Variants in ARHGAP31 observed in about 807,000 individuals in gnomAD.
ARHGAP31 encodes rho GTPase-activating protein 31.
In ARHGAP31, 34 loss-of-function variants were observed where a neutral mutation model predicts 113.9. That is an observed-to-expected ratio of 0.30 (90% CI 0.23 to 0.40). ARHGAP31 has a LOEUF of 0.40. ARHGAP31 is among the 10% of genes least tolerant of loss of function. The probability of loss-of-function intolerance (pLI) is 1.00; values close to 1 mark genes in which losing one functional copy is unlikely to be tolerated. For synonymous variants in ARHGAP31, 650 were observed against 684.8 expected (o/e 0.95, Z 0.79); for missense variants, 1,548 against 1,767.1 (o/e 0.88, Z 2.22).
intron 1 of ARHGAP31, among the ~76,000 whole-genome samples, chr3:119,337,227 A>C (rs750481587): frequency 1.3e-5 from 2 of 152,152 alleles, no homozygotes; most frequent in Non-Finnish European, 2.9e-5. Flanking sequence ...TGATGTTCGG[A>C]CATCTCCAGA....
chr3:119,376,246 C>T (rs772731882), intron 3 of ARHGAP31, among the ~76,000 whole-genome samples: 14 of 152,076 alleles, frequency 9.2e-5, no homozygotes, highest in Admixed American at 3.3e-4. Context: ...CCCAGCACTT[C>T]GGGAGGCTGA....
At chr3:119,339,222 T>C (rs1344915044) in intron 1 of ARHGAP31, among the ~76,000 whole-genome samples, 1 of 152,190 alleles carries the variant, frequency 6.6e-6, no homozygotes, top group Non-Finnish European at 1.5e-5. Context: ...AGGCGAATTA[T>C]AAGGTTGGTC....
chr3:119,354,678 A>ATTT (rs762067141), intron 1 of ARHGAP31, among the ~76,000 whole-genome samples: 1 of 127,248 alleles, frequency 7.9e-6, no homozygotes, highest in Non-Finnish European at 1.6e-5. Flanking sequence ...TGCCGGGCTA[A>ATTT]TTTTTTTTTT....
intron 1 of ARHGAP31, among the ~76,000 whole-genome samples, chr3:119,353,182 C>T (rs577805663): frequency 6.6e-6 from 1 of 152,278 alleles, no homozygotes; most frequent in South Asian, 2.1e-4. Context: ...ACACTGTGAG[C>T]CCCTGAGCAT....
chr3:119,337,448 A>T (rs188386506), intron 1 of ARHGAP31, among the ~76,000 whole-genome samples: 7 of 152,336 alleles, frequency 4.6e-5, no homozygotes, highest in Admixed American at 3.9e-4. Flanking sequence ...CCAAAGAGTG[A>T]CCAGCACCAA....
chr3:119,336,050 CT>C (rs780391871), intron 1 of ARHGAP31, among the ~76,000 whole-genome samples: 78 of 152,252 alleles, frequency 5.1e-4, no homozygotes, highest in Admixed American at 1.4e-3. Flanking sequence ...TGGCAGGTGC[CT>C]ACAATCCCAG....
At chr3:119,317,457 G>A (rs1027835662) in intron 1 of ARHGAP31, among the ~76,000 whole-genome samples, 1 of 152,166 alleles carries the variant, frequency 6.6e-6, no homozygotes, top group East Asian at 1.9e-4. Context: ...GATTACAGGC[G>A]TGAGTCACTG....
At chr3:119,371,097 T>C (rs2080293437) in intron 3 of ARHGAP31, among the ~76,000 whole-genome samples, 1 of 152,222 alleles carries the variant, frequency 6.6e-6, no homozygotes, top group African/African-American at 2.4e-5. Context: ...TGTAATCCTC[T>C]TATCAGTACC....
At chr3:119,339,159 C>T (rs1455780136) in intron 1 of ARHGAP31, among the ~76,000 whole-genome samples, 2 of 152,150 alleles carry the variant, frequency 1.3e-5, no homozygotes, top group Non-Finnish European at 2.9e-5. Flanking sequence ...GGAGTTTCAC[C>T]ATTTTGGCAG....
chr3:119,317,710 G>A (rs2079746333), intron 1 of ARHGAP31, among the ~76,000 whole-genome samples: 1 of 152,170 alleles, frequency 6.6e-6, no homozygotes, highest in Admixed American at 6.5e-5. Context: ...AAAAAGAAAG[G>A]AAGGAGGATA....
In ARHGAP31 at chr3:119,417,782, C is replaced by T. The variant is rs981340503; in HGVS notation, c.*1518C>T. On this transcript the variant is annotated 3_prime_UTR_variant, in exon 12 of 12. Coordinates refer to ENST00000264245, the MANE Select transcript of ARHGAP31 (RefSeq NM_020754.4). ...GGCGAGAGAAAGGAGAACTAATATA[C>T]CTGCTGGCAGATTTTTGGTGCTGCC... The T allele has an allele frequency of 1.3e-5, 2 of 152,122 alleles. No homozygotes were observed. Among genetic ancestry groups the T allele is most frequent in the African/African-American group, 4.8e-5 (2 of 41,420 alleles). 9.4% of individuals were successfully genotyped at this position (152,122 alleles called of 1,614,324 possible).
intron 1 of ARHGAP31, among the ~76,000 whole-genome samples, chr3:119,344,755 C>T (rs958816382): frequency 1.3e-5 from 2 of 151,564 alleles, no homozygotes; most frequent in Admixed American, 6.6e-5. Context: ...CCTCAGCCTC[C>T]CAAGTAGCTG....
chr3:119,415,432 T>C lies in ARHGAP31; in HGVS notation c.3503T>C (p.Val1168Ala). The C allele has an allele frequency of 6.2e-7, 1 of 1,614,098 alleles. No homozygotes were observed. Among genetic ancestry groups the C allele is most frequent in the South Asian group, 1.1e-5 (1 of 91,088 alleles). ...YSQDPQDLDI[V>A]AHALTGRRNS... is the part of the protein sequence containing the mutation. ...CAGGACCCCCAGGACCTGGACATTG[T>C]TGCTCATGCACTGACAGGCCGCCGT... Residue 1168 changes from valine to alanine, a missense_variant, in exon 12 of 12, where the codon GTT (valine) becomes GCT (alanine). Transcript: ENST00000264245.
intron 11 of ARHGAP31, among the ~76,000 whole-genome samples, chr3:119,412,810 GC>G (rs1369714825): frequency 6.6e-6 from 1 of 151,574 alleles, no homozygotes; most frequent in Non-Finnish European, 1.5e-5. Flanking sequence ...AATTACTTGA[GC>G]CCAGGAGTTT....
chr3:119,389,182 C>T (rs2080481576), intron 6 of ARHGAP31, among the ~76,000 whole-genome samples: 3 of 151,872 alleles, frequency 2.0e-5, no homozygotes, highest in South Asian at 4.2e-4. Flanking sequence ...AAAACAAAAA[C>T]TTAACCAACT....
Position 119,397,220 on chromosome 3 carries a change from A to G in ARHGAP31, c.1007-1979A>G, listed in dbSNP as rs1043042184. On this transcript the variant is annotated intron_variant, in intron 8 of 11. Transcript: ENST00000264245. ...AGGGAATGCTTGGGGACTGTCCACCAAGCCACATCTCTGATGTGCTGCTGT... is the reference window on the plus strand; with the variant it reads ...AGGGAATGCTTGGGGACTGTCCACCGAGCCACATCTCTGATGTGCTGCTGT... 2.6e-5 allele frequency among the ~76,000 whole-genome samples: 4 copies of G among 152,214 alleles called. No individual in the cohort carries two copies. In the South Asian group the frequency reaches 6.2e-4, roughly 24 times the overall value.
At chr3:119,357,404 C>T (rs1410649793) in intron 1 of ARHGAP31, among the ~76,000 whole-genome samples, 2 of 152,072 alleles carry the variant, frequency 1.3e-5, no homozygotes, top group South Asian at 2.1e-4. Flanking sequence ...GCTGGAACAC[C>T]GCATTCCTGT....
At chr3:119,412,950 G>A (rs1344983322) in intron 11 of ARHGAP31, among the ~76,000 whole-genome samples, 2 of 150,912 alleles carry the variant, frequency 1.3e-5, no homozygotes, top group East Asian at 3.9e-4. Flanking sequence ...CCCAGGAGGT[G>A]GAGGCTGCAG....
At chr3:119,380,541 A>C (rs560627098) in intron 3 of ARHGAP31, among the ~76,000 whole-genome samples, 1 of 151,896 alleles carries the variant, frequency 6.6e-6, no homozygotes, top group African/African-American at 2.4e-5. Context: ...ATGCGCCACC[A>C]TGCTGGGCCT....
Sources: gnomAD v4.1 joint callset for allele counts (sites outside exome capture counted in the v4.1 genomes callset) on GRCh38, gnomAD v4.1.1 for gene constraint, MANE v1.5 for transcripts, NCBI Gene and HGNC (gene_info 2026-07-23, HGNC 2026-07-21) for gene names.